AGAP3: variants seen among roughly 807,000 people sequenced by gnomAD.
AGAP3 encodes arf-GAP with GTPase, ANK repeat and PH domain-containing protein 3.
Under a neutral mutation model 96.9 loss-of-function variants are expected in AGAP3, and 24 were observed. The ratio of observed to expected loss-of-function variants is 0.25; its 90% CI spans 0.18 to 0.35. AGAP3 has a LOEUF of 0.35. Among genes scored for constraint, AGAP3 ranks in the 10% least tolerant of loss-of-function variants. The probability of loss-of-function intolerance (pLI) is 1.00; values close to 1 mark genes in which losing one functional copy is unlikely to be tolerated. For missense variants in AGAP3, 876 were observed against 1,254.2 expected (o/e 0.70, Z 4.55); for synonymous variants, 563 against 536.1 (o/e 1.05, Z -0.69).
chr7:151,123,174 T>TTCCTGCTCCTGC, intron 8 of AGAP3: 2 of 1,063,492 alleles, frequency 1.9e-6, no homozygotes, highest in Non-Finnish European at 2.3e-6. Flanking sequence ...ACCTCTGCCG[T>TTCCTGCTCCTGC]TCCTGCTCCT....
At chr7:151,115,604 G>C in intron 1 of AGAP3, 3 of 1,167,788 alleles carry the variant, frequency 2.6e-6, no homozygotes, top group Non-Finnish European at 3.2e-6. Flanking sequence ...GGGGCCGTCG[G>C]GCGGCTGCGG....
intron 9 of AGAP3, 99 bp from the exon 10 acceptor site, chr7:151,128,481 G>C (rs531840079): frequency 1.0e-6 from 1 of 989,022 alleles, no homozygotes; most frequent in African/African-American, 1.6e-5. Context: ...CAGGAGAAGC[G>C]GGGAGGGGGG....
At chr7:151,100,727 A>G (rs1481332953) in intron 1 of AGAP3, among the ~76,000 whole-genome samples, 1 of 152,206 alleles carries the variant, frequency 6.6e-6, no homozygotes, top group Non-Finnish European at 1.5e-5. Context: ...CTGTAGTCCC[A>G]GCTACTCAGT....
At chr7:151,127,945 G>A (rs537638349) in intron 9 of AGAP3, among the ~76,000 whole-genome samples, 2 of 152,290 alleles carry the variant, frequency 1.3e-5, no homozygotes, top group Admixed American at 6.5e-5. Flanking sequence ...TGGCACTTTC[G>A]CTCATTCTTC....
chr7:151,116,599 T>C, intron 1 of AGAP3, 194 bp from the exon 2 acceptor site: 1 of 632,908 alleles, frequency 1.6e-6, no homozygotes, highest in South Asian at 1.8e-5. Flanking sequence ...AGACCATCCT[T>C]ACTCTGCTTC....
At chr7:151,088,452 G>T (rs1260314125) in intron 1 of AGAP3, among the ~76,000 whole-genome samples, 3 of 152,236 alleles carry the variant, frequency 2.0e-5, no homozygotes, top group African/African-American at 7.2e-5. Context: ...TGGCATTTGT[G>T]CGAGCCCTGG....
intron 10 of AGAP3, among the ~76,000 whole-genome samples, chr7:151,134,007 C>A (rs1800496138): frequency 6.6e-6 from 1 of 152,158 alleles, no homozygotes; most frequent in Non-Finnish European, 1.5e-5. Flanking sequence ...TTGGTGGCCA[C>A]CCTGTCATCC....
chr7:151,087,354 G>T, intron 1 of AGAP3: 5 of 447,808 alleles, frequency 1.1e-5, no homozygotes, highest in South Asian at 2.4e-5. Flanking sequence ...TCCAGGCCTG[G>T]CCGGGGAAGG....
intron 1 of AGAP3, chr7:151,115,295 G>C (rs1192961104): frequency 1.0e-6 from 1 of 1,003,808 alleles, no homozygotes; most frequent in African/African-American, 1.8e-5. Flanking sequence ...GCGGGCGCGG[G>C]CCGGAGGGGC....
chr7:151,141,785 T>C lies in AGAP3; in HGVS notation c.1805-113T>C, dbSNP rs1440565432. On this transcript the variant is annotated intron_variant, in intron 13 of 17. Transcript: ENST00000397238. The surrounding 1 kb of genome is among the most constrained non-coding windows in gnomAD (Gnocchi z 4.2). ...GTGGCCTTGCAGCTGGGGAAGGGTC[T>C]AGGGGAGGACACTTGCCAGTGGAGC... is the stretch of plus-strand genomic sequence containing the variant. The C allele has an allele frequency of 7.1e-7, 1 of 1,401,774 alleles. No individual in the cohort carries two copies. The highest frequency in any genetic ancestry group is 1.2e-5 in the South Asian group (1 of 82,694). The allele number at this position is 1,401,774 out of a possible 1,614,324, so 86.8% of individuals were successfully genotyped here.
intron 10 of AGAP3, among the ~76,000 whole-genome samples, chr7:151,129,400 A>G (rs966010775): frequency 2.0e-5 from 3 of 152,104 alleles, no homozygotes; most frequent in Non-Finnish European, 4.4e-5. Context: ...GGTGTCAGGA[A>G]GGCCTGACCC....
chr7:151,122,685 G>T (rs778093330), intron 8 of AGAP3: 1 of 1,612,654 alleles, frequency 6.2e-7, no homozygotes, highest in Non-Finnish European at 8.5e-7. Flanking sequence ...CGGGGCTTGA[G>T]TATAACTTGC....
At position 151,144,263 on chromosome 7, in the gene AGAP3, C is replaced by A; in HGVS notation, c.*320C>A. 2.7e-6 allele frequency: 1 copy of A among 367,520 alleles called. No individual in the cohort carries two copies. The allele number at this position is 367,520 out of a possible 1,614,324, so 22.8% of individuals were successfully genotyped here. The stretch of plus-strand genomic sequence containing the variant: ...TGCCTCCTAGTGCCAGCCCCTCACA[C>A]GCCTTCATCCTGAAACAGGAAGAGG... On this transcript the variant is annotated 3_prime_UTR_variant, in exon 18 of 18. Coordinates refer to ENST00000397238, the MANE Select transcript of AGAP3 (RefSeq NM_031946.7).
At chr7:151,113,971 C>G (rs1799415375) in intron 1 of AGAP3, among the ~76,000 whole-genome samples, 1 of 152,234 alleles carries the variant, frequency 6.6e-6, no homozygotes, top group Non-Finnish European at 1.5e-5. Context: ...ACCCAGTGAG[C>G]AGCAGGGGCC....
chr7:151,087,137 C>G, intron 1 of AGAP3, 65 bp downstream of exon 1: 1 of 1,507,476 alleles, frequency 6.6e-7, no homozygotes, highest in Non-Finnish European at 9.0e-7. Flanking sequence ...GCCGAGGGCT[C>G]CACAGGCCGT....
In AGAP3 at chr7:151,118,055, G is replaced by T; in HGVS notation, c.707-155G>T. On this transcript the variant is annotated intron_variant, in intron 5 of 17. Transcript: ENST00000397238. This position sits in a 1 kb window ranked among gnomAD's most constrained non-coding sequence, Gnocchi z 6.1. ...GTTTGCACTCAGTGAGGCCATGGAA[G>T]GGTTGAAATGAGACCCAGGCACCCG... 1 of 1,045,746 alleles carries T rather than the reference G, an allele frequency of 9.6e-7. No homozygotes were observed. Among genetic ancestry groups the T allele is most frequent in the African/African-American group, 1.6e-5 (1 of 62,060 alleles). The allele number at this position is 1,045,746 out of a possible 1,614,324, so 64.8% of individuals were successfully genotyped here.
chr7:151,121,683 A>T (rs1203166122), intron 8 of AGAP3, among the ~76,000 whole-genome samples: 3 of 151,998 alleles, frequency 2.0e-5, no homozygotes, highest in South Asian at 2.1e-4. Flanking sequence ...TGCTCACGGC[A>T]CGGCCTTCCC....
chr7:151,115,246 C>CGGCGT, intron 1 of AGAP3: 2 of 1,003,066 alleles, frequency 2.0e-6, no homozygotes, highest in Non-Finnish European at 2.4e-6. Flanking sequence ...CTGCGCGGCG[C>CGGCGT]GGCGTTGTGG....
At chr7:151,102,157 C>T (rs555523361) in intron 1 of AGAP3, among the ~76,000 whole-genome samples, 1 of 152,194 alleles carries the variant, frequency 6.6e-6, no homozygotes, top group Non-Finnish European at 1.5e-5. Context: ...CATCTCGACT[C>T]AGGAGCATCC....
Sources: allele counts gnomAD v4.1 joint callset (sites outside exome capture counted in the v4.1 genomes callset), GRCh38; gene constraint gnomAD v4.1.1; non-coding constraint Gnocchi (gnomAD v3.1); transcripts MANE v1.5; gene names NCBI Gene and HGNC (gene_info 2026-07-23, HGNC 2026-07-21).